DCHS2: variants seen among roughly 807,000 people sequenced by gnomAD.
DCHS2 encodes protocadherin-23.
In DCHS2, 142 loss-of-function variants were observed where a neutral mutation model predicts 182.4. That is an observed-to-expected ratio of 0.78 (90% CI 0.68 to 0.89). The LOEUF is 0.89. DCHS2 is among the 40% of genes least tolerant of loss of function. DCHS2 has a pLI of 0.00. For synonymous variants in DCHS2, 1,740 were observed against 1,663.3 expected (o/e 1.05, Z -1.12); for missense variants, 4,319 against 4,198.6 (o/e 1.03, Z -0.79).
In DCHS2 at chr4:154,490,322, C is replaced by G; in HGVS notation, c.1034G>C (p.Ser345Thr). 6.5e-7 allele frequency: 1 copy of G among 1,544,578 alleles called. No homozygotes were observed. ...CGCGTCGCCCAGTGCCCCGCCGCCG[C>G]TACCCGCCCCAGGCACTTGCCGGGC... ...VRARQVPGAG[S>T]GGGALGDAAY... is the part of the protein sequence containing the mutation. Residue 345 changes from serine to threonine, a missense_variant, in exon 1 of 20, where the codon AGC (serine) becomes ACC (threonine). Physicochemically the swap from Ser to Thr is moderately conservative, Grantham distance 58. Transcript: ENST00000357232.
Position 154,239,410 on chromosome 4 carries a change from A to G in DCHS2, c.7360-108T>C, listed in dbSNP as rs546160441. 48 of 1,508,934 alleles carry G rather than the reference A, an allele frequency of 3.2e-5. No homozygotes were observed. In the Admixed American group the frequency reaches 1.1e-3, roughly 34 times the overall value. 93.5% of individuals were successfully genotyped at this position (1,508,934 alleles called of 1,614,324 possible). A position where few individuals can be genotyped will look rare whatever the true frequency, so the allele number is the denominator to read the frequency against. Reference sequence around the variant, plus strand: ...TTTATTCATTTTGATTATGGAAACCATACAATACAACCTGACTTTGTTAGA... The same window carrying G: ...TTTATTCATTTTGATTATGGAAACCGTACAATACAACCTGACTTTGTTAGA... On this transcript the variant is annotated intron_variant, in intron 18 of 19. Coordinates refer to ENST00000357232, the MANE Select transcript of DCHS2 (RefSeq NM_001358235.2).
intron 1 of DCHS2, among the ~76,000 whole-genome samples, chr4:154,394,906 A>G (rs964492255): frequency 6.6e-6 from 1 of 152,174 alleles, no homozygotes; most frequent in East Asian, 1.9e-4. Flanking sequence ...TTAGACCACT[A>G]TGATTTGTTT....
chr4:154,486,855 T>C (rs1325396386), intron 1 of DCHS2, among the ~76,000 whole-genome samples: 9 of 152,154 alleles, frequency 5.9e-5, no homozygotes, highest in African/African-American at 1.9e-4. Context: ...TCGCTGGAAT[T>C]TCCAGAAATT....
At chr4:154,359,350 C>T (rs1471290919) in intron 3 of DCHS2, among the ~76,000 whole-genome samples, 1 of 151,940 alleles carries the variant, frequency 6.6e-6, no homozygotes, top group Non-Finnish European at 1.5e-5. Flanking sequence ...CATAATCATG[C>T]TCTTCTACTA....
intron 15 of DCHS2, 75 bp from the exon 16 acceptor site, chr4:154,255,745 C>A: frequency 3.4e-6 from 5 of 1,453,966 alleles, no homozygotes; most frequent in East Asian, 2.6e-5. Context: ...CAGAGACATG[C>A]ATTAAGAAAG....
intron 13 of DCHS2, among the ~76,000 whole-genome samples, chr4:154,281,263 C>T (rs542893659): frequency 2.2e-4 from 33 of 152,116 alleles, no homozygotes; most frequent in Middle Eastern, 3.4e-3. Context: ...TCTTTGCAGA[C>T]GACATAATCC....
chr4:154,340,432 T>A (rs1199200488), intron 3 of DCHS2, among the ~76,000 whole-genome samples: 1 of 152,192 alleles, frequency 6.6e-6, no homozygotes, highest in Non-Finnish European at 1.5e-5. Flanking sequence ...AAAATTAATA[T>A]CTATACTATA....
intron 1 of DCHS2, among the ~76,000 whole-genome samples, chr4:154,444,060 C>T (rs1277599804): frequency 6.6e-6 from 1 of 152,090 alleles, no homozygotes; most frequent in African/African-American, 2.4e-5. Flanking sequence ...AGCCTCCTTG[C>T]TTCCTCCTTC....
At chr4:154,366,980 T>G (rs936443666) in intron 2 of DCHS2, among the ~76,000 whole-genome samples, 17 of 152,136 alleles carry the variant, frequency 1.1e-4, no homozygotes, top group East Asian at 1.9e-4. Flanking sequence ...GAAGGTACCA[T>G]TGGTGTGCAG....
chr4:154,475,590 C>T (rs1341497226), intron 1 of DCHS2, among the ~76,000 whole-genome samples: 1 of 152,064 alleles, frequency 6.6e-6, no homozygotes, highest in African/African-American at 2.4e-5. Context: ...CCTAGTTAGT[C>T]AAAGTAAATC....
Position 154,489,473 on chromosome 4 carries a change from G to A in DCHS2, c.1883C>T (p.Ala628Val). The part of the protein sequence containing the change: ...IRTLDREVQE[A>V]VELKVVAQDL... The stretch of plus-strand genomic sequence containing the variant: ...CTGGGCCACCACTTTCAGCTCCACC[G>A]CCTCCTGGACCTCTCGGTCTAGAGT... Residue 628 changes from alanine to valine, a missense_variant, in exon 1 of 20, where the codon GCG (alanine) becomes GTG (valine). By Grantham distance (64) the Ala-to-Val change is moderately conservative. Coordinates refer to ENST00000357232, the MANE Select transcript of DCHS2 (RefSeq NM_001358235.2). 1 of 1,551,678 alleles carries A rather than the reference G, an allele frequency of 6.4e-7. No homozygotes were observed. Among genetic ancestry groups the A allele is most frequent in the Non-Finnish European group, 8.7e-7 (1 of 1,146,984 alleles).
intron 3 of DCHS2, among the ~76,000 whole-genome samples, chr4:154,349,987 T>C (rs537297830): frequency 6.6e-6 from 1 of 152,338 alleles, no homozygotes; most frequent in East Asian, 1.9e-4. Flanking sequence ...ATCTGCTCAT[T>C]TGAAATTTTC....
At chr4:154,333,759 G>T in intron 4 of DCHS2, 1 of 444,262 alleles carries the variant, frequency 2.3e-6, no homozygotes, top group Non-Finnish European at 4.0e-6. Flanking sequence ...TGTAGCCTAG[G>T]AGCAATCGAC....
At chr4:154,310,801 T>C (rs1222318591) in intron 10 of DCHS2, among the ~76,000 whole-genome samples, 2 of 152,210 alleles carry the variant, frequency 1.3e-5, no homozygotes, top group South Asian at 2.1e-4. Context: ...GATGACATCA[T>C]GATAATTGGA....
chr4:154,369,587 G>C (rs1478844163), intron 2 of DCHS2, among the ~76,000 whole-genome samples: 1 of 152,174 alleles, frequency 6.6e-6, no homozygotes, highest in African/African-American at 2.4e-5. Flanking sequence ...CCACTTGCAG[G>C]TTCCTGGCCC....
intron 14 of DCHS2, among the ~76,000 whole-genome samples, chr4:154,260,296 T>A (rs189204461): frequency 6.6e-5 from 10 of 152,112 alleles, no homozygotes; most frequent in African/African-American, 2.2e-4. Context: ...AAAGAAACTA[T>A]GAAATACCAA....
rs184619033 is a variant in DCHS2 at position 154,490,796 on chromosome 4, C to A, written c.560G>T (p.Arg187Leu). ...GTCCGGATCGTGGGCAACTGGCAGG[C>A]GGAAGGCGGTCCCTGGCGGGCTGAG... Reference protein sequence around the residue: ...SELSPPGTAFRLPVAHDPDAG... With the variant: ...SELSPPGTAFLLPVAHDPDAG... Residue 187 changes from arginine to leucine, a missense_variant, in exon 1 of 20, where the codon CGC becomes CTC. By Grantham distance (102) the Arg-to-Leu change is moderately radical (BLOSUM62 -2). Coordinates refer to ENST00000357232, the MANE Select transcript of DCHS2 (RefSeq NM_001358235.2). 8,756 of 1,551,502 alleles carry A rather than the reference C, an allele frequency of 5.6e-3. 30 individuals carry two copies. Among genetic ancestry groups the A allele is most frequent in the Non-Finnish European group, 6.6e-3 (7,606 of 1,146,872 alleles).
At chr4:154,433,723 G>C (rs1262597402) in intron 1 of DCHS2, among the ~76,000 whole-genome samples, 1 of 152,122 alleles carries the variant, frequency 6.6e-6, no homozygotes, top group Non-Finnish European at 1.5e-5. Context: ...CACTCAGTTT[G>C]TGATAATTTG....
rs1728722718 is a variant in DCHS2, at chr4:154,489,674, A to G, written c.1682T>C (p.Val561Ala). The change falls in exon 1 of 20, where the codon GTC becomes GCC. Residue 561 changes from valine (V) to alanine (A), a missense_variant. Transcript: ENST00000357232. Reference protein sequence around the residue: ...AAAPGTVVMWVSASDADEAGS... With the variant: ...AAAPGTVVMWASASDADEAGS... ...TGCCTCGTCGGCATCGGAGGCGCTG[A>G]CCCACATGACTACAGTGCCAGGGGC... The G allele has an allele frequency of 6.4e-7, 1 of 1,551,494 alleles. No individual in the cohort carries two copies. The highest frequency in any genetic ancestry group is 2.0e-5 in the Admixed American group (1 of 50,986).
Sources: gnomAD v4.1 joint callset for allele counts (sites outside exome capture counted in the v4.1 genomes callset) on GRCh38, gnomAD v4.1.1 for gene constraint, MANE v1.5 for transcripts, NCBI Gene and HGNC (gene_info 2026-07-23, HGNC 2026-07-21) for gene names.